ELAPOR1: variants seen among roughly 807,000 people sequenced by gnomAD.
ELAPOR1 encodes endosome/lysosome-associated apoptosis and autophagy regulator 1.
Under a neutral mutation model 119.7 loss-of-function variants are expected in ELAPOR1, and 77 were observed. The ratio of observed to expected loss-of-function variants is 0.64; its 90% CI spans 0.54 to 0.78. The LOEUF (loss-of-function observed/expected upper bound fraction) is 0.78, where lower values mean the gene tolerates loss of function less well. Among genes scored for constraint, ELAPOR1 ranks in the 30% least tolerant of loss-of-function variants. ELAPOR1 has a pLI of 0.00. For synonymous variants in ELAPOR1, 481 were observed against 487.2 expected (o/e 0.99, Z 0.17); for missense variants, 1,115 against 1,270.4 (o/e 0.88, Z 1.86).
At chr1:109,191,634 C>T in intron 12 of ELAPOR1, 92 bp from the exon 13 acceptor site, 1 of 1,546,640 alleles carries the variant, frequency 6.5e-7, no homozygotes, top group Non-Finnish European at 8.9e-7. Context: ...AAGGGTCTCA[C>T]CAACCGTGAT....
At chr1:109,168,602 G>A (rs1327596263) in intron 3 of ELAPOR1, among the ~76,000 whole-genome samples, 1 of 152,156 alleles carries the variant, frequency 6.6e-6, no homozygotes, top group Admixed American at 6.5e-5. Context: ...AGTGACGTGG[G>A]TGTAATAGAA....
At chr1:109,177,238 A>ACC (rs1279176785) in intron 7 of ELAPOR1, among the ~76,000 whole-genome samples, 1 of 95,800 alleles carries the variant, frequency 1.0e-5, no homozygotes, top group Non-Finnish European at 2.0e-5. Context: ...CGGGGGGCTG[A>ACC]CCCCCCCACC....
intron 1 of ELAPOR1, among the ~76,000 whole-genome samples, chr1:109,119,667 G>A (rs1050410455): frequency 1.3e-5 from 2 of 151,822 alleles, no homozygotes; most frequent in African/African-American, 4.8e-5. Context: ...GTGCATTTTC[G>A]GTGTTGTAAA....
intron 9 of ELAPOR1, 104 bp from the exon 10 acceptor site, chr1:109,188,962 T>C (rs1653244499): frequency 7.2e-7 from 1 of 1,383,280 alleles, no homozygotes; most frequent in Non-Finnish European, 1.0e-6. Flanking sequence ...GCCAGGCTTC[T>C]GGGCTGCCCG....
intron 7 of ELAPOR1, among the ~76,000 whole-genome samples, chr1:109,177,229 G>GGAC (rs1558053053): frequency 7.1e-6 from 1 of 141,578 alleles, no homozygotes; most frequent in Admixed American, 7.0e-5. Context: ...CTGGCCGGGC[G>GGAC]GGGGGCTGAC....
At chr1:109,195,629 G>C (rs1257859126) in intron 15 of ELAPOR1, among the ~76,000 whole-genome samples, 1 of 152,112 alleles carries the variant, frequency 6.6e-6, no homozygotes, top group Non-Finnish European at 1.5e-5. Context: ...TTGTTTTCTA[G>C]AGGCTGGATA....
rs1652918240 is a variant in ELAPOR1 at position 109,184,248 on chromosome 1, G to C, written c.953-797G>C. On this transcript the variant is annotated intron_variant, in intron 7 of 21. Transcript: ENST00000369939. ...TAGCCAGGCATGGTGACTCATGCCT[G>C]TAATTCCAGCTACTCAAGAAGCTGA... is the stretch of plus-strand genomic sequence containing the variant. Among the ~76,000 whole-genome samples the C allele has an allele frequency of 3.3e-5, 5 of 152,218 alleles. No homozygotes were observed. The South Asian group carries it at 1.0e-3, about 32-fold the overall frequency.
At position 109,191,475 on chromosome 1, in the gene ELAPOR1, C is replaced by G; in HGVS notation, c.1545+4C>G. 1 of 1,612,112 alleles carries G rather than the reference C, an allele frequency of 6.2e-7. No homozygotes were observed. The highest frequency in any genetic ancestry group is 8.5e-7 in the Non-Finnish European group (1 of 1,178,150). Reference sequence around the variant, plus strand: ...CTGTGAGCTCTACTTCATGGTGGTACGTTTTCCTTTCTTTGCCCGCTAGAG... The same window carrying G: ...CTGTGAGCTCTACTTCATGGTGGTAGGTTTTCCTTTCTTTGCCCGCTAGAG... On this transcript the variant is annotated splice_donor_region_variant and intron_variant, in intron 12 of 21. Coordinates refer to ENST00000369939, the MANE Select transcript of ELAPOR1 (RefSeq NM_020775.5).
chr1:109,199,742 G>A, intron 18 of ELAPOR1, 112 bp from the exon 19 acceptor site: 1 of 1,277,274 alleles, frequency 7.8e-7, no homozygotes, highest in South Asian at 1.4e-5. Flanking sequence ...AGGGCTAATG[G>A]TTTGGGCAGG....
chr1:109,201,423 T>A (rs372229181), intron 21 of ELAPOR1: 1 of 453,264 alleles, frequency 2.2e-6, no homozygotes, highest in Non-Finnish European at 4.4e-6. Context: ...GGTGGGTGAG[T>A]ATGAAGCTTA....
chr1:109,201,274 A>G (rs1654157845), intron 21 of ELAPOR1: 3 of 455,242 alleles, frequency 6.6e-6, no homozygotes, highest in South Asian at 3.1e-5. Context: ...AACTTCTGAT[A>G]GAAGTCAGGC....
rs1654328859 is a variant in ELAPOR1, at chr1:109,203,826, A to AG, written c.*815dup. 6.8e-6 allele frequency: 1 copy of AG among 147,776 alleles called. No individual in the cohort carries two copies. Among genetic ancestry groups the AG allele is most frequent in the Non-Finnish European group, 1.5e-5 (1 of 67,318 alleles). 9.2% of individuals were successfully genotyped at this position (147,776 alleles called of 1,614,324 possible). On this transcript the variant is annotated 3_prime_UTR_variant, in exon 22 of 22. Transcript: ENST00000369939. Reference sequence around the variant, plus strand: ...GGAAGGCGGAGCTTGCAGTGAGCCGAGATCGCGCCACTGCACTCCATCCAG... The same window carrying AG: ...GGAAGGCGGAGCTTGCAGTGAGCCGAGGATCGCGCCACTGCACTCCATCCAG...
Position 109,189,116 on chromosome 1 carries a change from A to G in ELAPOR1, c.1270A>G (p.Lys424Glu), listed in dbSNP as rs1185380757. The change falls in exon 10 of 22, where the codon AAA becomes GAA. Residue 424 changes from lysine (K) to glutamate (E), a missense_variant. By Grantham distance (56) the Lys-to-Glu change is moderately conservative. Transcript: ENST00000369939. ...TGAACCTGCTGTGGGATTTGAATAC[A>G]AATGGTGGAACACGCTGCCCACAAA... ...GTEPAVGFEY[K>E]WWNTLPTNME... The G allele has an allele frequency of 6.2e-7, 1 of 1,614,124 alleles. No individual in the cohort carries two copies. The highest frequency in any genetic ancestry group is 1.7e-5 in the Admixed American group (1 of 60,016).
chr1:109,181,385 C>A (rs995763532), intron 7 of ELAPOR1, among the ~76,000 whole-genome samples: 2 of 152,152 alleles, frequency 1.3e-5, no homozygotes, highest in Non-Finnish European at 2.9e-5. Flanking sequence ...CAACCAAACA[C>A]AGAGGCCCAT....
rs766277001 is a variant in ELAPOR1 at position 109,200,252 on chromosome 1, A to C, written c.2807+15A>C. 1 of 1,611,000 alleles carries C rather than the reference A, an allele frequency of 6.2e-7. No homozygotes were observed. The highest frequency in any genetic ancestry group is 8.5e-7 in the Non-Finnish European group (1 of 1,177,468). On this transcript the variant is annotated intron_variant, in intron 20 of 21. Coordinates refer to ENST00000369939, the MANE Select transcript of ELAPOR1 (RefSeq NM_020775.5). ...AAGAATCAAAAGTACATGTTGCGGTATTGGAGTGTGGGGATGGACAGGGTT... is the reference window on the plus strand; with the variant it reads ...AAGAATCAAAAGTACATGTTGCGGTCTTGGAGTGTGGGGATGGACAGGGTT...
At chr1:109,135,864 T>G (rs905080243) in intron 1 of ELAPOR1, among the ~76,000 whole-genome samples, 1 of 152,212 alleles carries the variant, frequency 6.6e-6, no homozygotes, top group African/African-American at 2.4e-5. Context: ...GAGACAGTCT[T>G]TGATGTCAAG....
intron 7 of ELAPOR1, among the ~76,000 whole-genome samples, chr1:109,181,920 C>T (rs1264756205): frequency 2.0e-5 from 3 of 152,108 alleles, no homozygotes; most frequent in Admixed American, 6.5e-5. Context: ...ATCTGATCTA[C>T]GAACCCATGT....
intron 21 of ELAPOR1, among the ~76,000 whole-genome samples, chr1:109,201,886 G>A (rs1287977447): frequency 6.6e-6 from 1 of 152,040 alleles, no homozygotes; most frequent in East Asian, 1.9e-4. Context: ...GATCTCTTGA[G>A]GCTGGGAGTT....
chr1:109,162,152 C>A, intron 2 of ELAPOR1, 138 bp downstream of exon 2: 1 of 871,982 alleles, frequency 1.1e-6, no homozygotes, highest in South Asian at 1.9e-5. Flanking sequence ...TTAGTCCCCA[C>A]ATCCCAGACC....
Sources: allele counts gnomAD v4.1 joint callset (sites outside exome capture counted in the v4.1 genomes callset), GRCh38; gene constraint gnomAD v4.1.1; transcripts MANE v1.5; gene names NCBI Gene and HGNC (gene_info 2026-07-23, HGNC 2026-07-21).